Variants in CADPS2 observed in about 807,000 individuals in gnomAD.
The protein encoded by CADPS2 is calcium-dependent secretion activator 2.
In CADPS2, 93 loss-of-function variants were observed where a neutral mutation model predicts 172.5. The ratio of observed to expected loss-of-function variants is 0.54; its 90% CI spans 0.46 to 0.64. The LOEUF (loss-of-function observed/expected upper bound fraction) is 0.64. Ranked by LOEUF, CADPS2 falls within the 30% of genes least tolerant of loss-of-function variation. CADPS2 has a pLI of 0.00. For missense variants in CADPS2, 1,420 were observed against 1,565.9 expected (o/e 0.91, Z 1.57); for synonymous variants, 546 against 555.2 (o/e 0.98, Z 0.23).
intron 2 of CADPS2, among the ~76,000 whole-genome samples, chr7:122,736,409 G>A (rs1295019581): frequency 2.0e-5 from 3 of 152,172 alleles, no homozygotes; most frequent in Non-Finnish European, 4.4e-5. Flanking sequence ...CACTGAAGCA[G>A]TTAATGACCA....
intron 1 of CADPS2, among the ~76,000 whole-genome samples, chr7:122,812,789 T>A (rs1800343955): frequency 6.6e-6 from 1 of 152,156 alleles, no homozygotes; most frequent in South Asian, 2.1e-4. Context: ...TTCCAGGTAT[T>A]ATGGCAGACC....
At chr7:122,452,387 A>T (rs6978560) in intron 14 of CADPS2, among the ~76,000 whole-genome samples, 52,856 of 152,012 alleles carry the variant, frequency 0.35, 9,429 homozygotes, top group East Asian at 0.42. Flanking sequence ...TTTCCTACCT[A>T]ATTAGTTTAT....
intron 2 of CADPS2, among the ~76,000 whole-genome samples, chr7:122,699,391 T>C (rs1309048665): frequency 6.6e-6 from 1 of 152,106 alleles, no homozygotes; most frequent in Admixed American, 6.6e-5. Flanking sequence ...CATGTAAGAA[T>C]GTTTTATTTT....
chr7:122,531,885 G>C (rs563302399), intron 8 of CADPS2, among the ~76,000 whole-genome samples: 1 of 152,104 alleles, frequency 6.6e-6, no homozygotes, highest in South Asian at 2.1e-4. Flanking sequence ...ACAAAAATTA[G>C]CTGGGTGTGG....
At chr7:122,876,703 T>C (rs1473684224) in intron 1 of CADPS2, among the ~76,000 whole-genome samples, 1 of 152,028 alleles carries the variant, frequency 6.6e-6, no homozygotes, top group Non-Finnish European at 1.5e-5. Flanking sequence ...AAGAATATAA[T>C]CTAAAATAAG....
intron 25 of CADPS2, among the ~76,000 whole-genome samples, chr7:122,376,569 G>C (rs953772345): frequency 6.6e-6 from 1 of 152,140 alleles, no homozygotes; most frequent in Non-Finnish European, 1.5e-5. Flanking sequence ...CTCAGGGACT[G>C]AGGGGAGGGA....
rs372899187 is a variant in CADPS2 at position 122,390,932 on chromosome 7, G to GA, written c.3009-2195dup. Among the ~76,000 whole-genome samples the GA allele has an allele frequency of 4.2e-3, 630 of 149,178 alleles. 7 individuals are homozygous for GA. Among genetic ancestry groups the GA allele is most frequent in the African/African-American group, 0.014 (553 of 40,806 alleles). ...TAACTTGCTGGCATTCATTTCTAGA[G>GA]AAAAAAAAACAGAATAAAGATTTAT... On this transcript the variant is annotated intron_variant, in intron 22 of 29. Transcript: ENST00000449022.
chr7:122,418,390 G>GT (rs2048179741), intron 17 of CADPS2, among the ~76,000 whole-genome samples: 1 of 152,230 alleles, frequency 6.6e-6, no homozygotes, highest in South Asian at 2.1e-4. Context: ...CCTGGCTGGA[G>GT]TAAGAATGTG....
At chr7:122,431,242 T>A (rs1469853098) in intron 17 of CADPS2, among the ~76,000 whole-genome samples, 2 of 152,334 alleles carry the variant, frequency 1.3e-5, no homozygotes, top group African/African-American at 4.8e-5. Context: ...CAATAAATAT[T>A]TACTGAGTAC....
chr7:122,744,444 G>GT (rs1217825644), intron 1 of CADPS2, among the ~76,000 whole-genome samples: 7 of 152,060 alleles, frequency 4.6e-5, no homozygotes, highest in Non-Finnish European at 8.8e-5. Context: ...ACTATCGTGT[G>GT]TTTTTTTGTA....
At chr7:122,468,885 A>G (rs2055520991) in intron 14 of CADPS2, among the ~76,000 whole-genome samples, 1 of 151,942 alleles carries the variant, frequency 6.6e-6, no homozygotes. Context: ...TCAACCCTAT[A>G]TTTCTTCCTT....
intron 14 of CADPS2, among the ~76,000 whole-genome samples, chr7:122,456,700 C>T (rs1334963838): frequency 1.3e-5 from 2 of 152,128 alleles, no homozygotes; most frequent in Admixed American, 6.6e-5. Flanking sequence ...TTAACGTCTG[C>T]CTGTGGGTCA....
At position 122,668,402 on chromosome 7, in the gene CADPS2, T is replaced by A. The variant is rs1217389992; in HGVS notation, c.454-4833A>T. On this transcript the variant is annotated intron_variant, in intron 2 of 29. Transcript: ENST00000449022. ...GTCAGGTTTGGAGACAAAGTATGGT[T>A]AAAAAAAAAAAAAAAACAAAAACAA... 2.3e-3 allele frequency among the ~76,000 whole-genome samples: 314 copies of A among 138,214 alleles called. 1 individual carries two copies. The highest frequency in any genetic ancestry group is 7.4e-3 in the African/African-American group (277 of 37,414). The allele number at this position is 138,214 out of a possible 152,430, so 90.7% of individuals were successfully genotyped here.
At chr7:122,605,061 C>T (rs543285088) in intron 6 of CADPS2, among the ~76,000 whole-genome samples, 15 of 152,042 alleles carry the variant, frequency 9.9e-5, no homozygotes, top group African/African-American at 3.6e-4. Context: ...AACTGTAACA[C>T]AAAGGTAAGT....
intron 27 of CADPS2, among the ~76,000 whole-genome samples, chr7:122,358,653 A>G (rs943644276): frequency 6.6e-6 from 1 of 152,066 alleles, no homozygotes; most frequent in East Asian, 1.9e-4. Flanking sequence ...TCTTTTTCTC[A>G]TGAGACTCTC....
At chr7:122,793,784 C>T (rs758234035) in intron 1 of CADPS2, among the ~76,000 whole-genome samples, 15 of 152,066 alleles carry the variant, frequency 9.9e-5, no homozygotes, top group African/African-American at 1.7e-4. Flanking sequence ...CCTTTCCAGA[C>T]TTAGTGCTTC....
intron 17 of CADPS2, among the ~76,000 whole-genome samples, chr7:122,425,736 T>A (rs2049092574): frequency 6.6e-6 from 1 of 152,180 alleles, no homozygotes; most frequent in Admixed American, 6.5e-5. Context: ...ATTGTATCCA[T>A]TTTTTTCTAA....
intron 3 of CADPS2, among the ~76,000 whole-genome samples, chr7:122,662,816 T>A (rs539425382): frequency 2.1e-4 from 32 of 152,322 alleles, no homozygotes; most frequent in Non-Finnish European, 3.2e-4. Context: ...AAATTTGAAA[T>A]TTAATTACTT....
chr7:122,636,948 T>C (rs939732876), intron 3 of CADPS2, among the ~76,000 whole-genome samples: 1 of 152,278 alleles, frequency 6.6e-6, no homozygotes, highest in Admixed American at 6.5e-5. Context: ...GTTTTCCAAG[T>C]TGCTTACTCT....
Sources: gnomAD v4.1 joint callset for allele counts (sites outside exome capture counted in the v4.1 genomes callset) on GRCh38, gnomAD v4.1.1 for gene constraint, MANE v1.5 for transcripts, NCBI Gene and HGNC (gene_info 2026-07-23, HGNC 2026-07-21) for gene names.